The following M1AP variants were observed in gnomAD, a reference collection of about 807,000 sequenced individuals.
M1AP encodes meiosis 1 associated protein.
In M1AP, 39 loss-of-function variants were observed where a neutral mutation model predicts 51.2. The observed-to-expected ratio is 0.76, with a 90% CI of 0.59 to 1.00. M1AP has a LOEUF of 1.00. Among genes scored for constraint, M1AP ranks in the 50% least tolerant of loss-of-function variants. The pLI, the probability that M1AP is intolerant of heterozygous loss-of-function variation, is 0.00. For synonymous variants in M1AP, 251 were observed against 249.2 expected, an observed-to-expected ratio of 1.01 and a Z score of -0.07; for missense variants, 545 against 641.2, an observed-to-expected ratio of 0.85 and a Z score of 1.62.
Position 74,640,104 on chromosome 2 carries a change from G to A in M1AP, c.172C>T (p.Pro58Ser). The change falls in exon 2 of 11, where the codon CCC becomes TCC. Residue 58 changes from proline (P) to serine (S), a missense_variant. Physicochemically the swap from Pro to Ser is moderately conservative, Grantham distance 74. Transcript: ENST00000421985. Reference protein sequence around the residue: ...FFSLACSLMGPSRMSLFSLYM... With the variant: ...FFSLACSLMGSSRMSLFSLYM... ...AAACTGAACAGGGACATGCGGCTGG[G>A]GCCCATCAAGCTGCAGGCTAGAGAG... The A allele has an allele frequency of 6.2e-7, 1 of 1,614,136 alleles. No homozygotes were observed. Among genetic ancestry groups the A allele is most frequent in the Non-Finnish European group, 8.5e-7 (1 of 1,180,012 alleles).
chr2:74,575,531 C>T lies in M1AP; in HGVS notation c.981G>A (p.Pro327=), dbSNP rs148385130. The part of the protein sequence containing the change: ...GLCESLTYGL[P]FILRPTSCWQ... The stretch of plus-strand genomic sequence containing the variant: ...AACAGCTTGTAGGTCTGAGGATGAA[C>T]GGGAGTCCATATGTCAATGACTCGC... Residue 327 remains proline (P), a synonymous_variant, in exon 7 of 11, where the codon CCG becomes CCA. Transcript: ENST00000421985. 1.7e-4 allele frequency: 280 copies of T among 1,614,114 alleles called. 1 individual carries two copies. The East Asian group carries it at 2.0e-3, about 11-fold the overall frequency.
Position 74,578,840 on chromosome 2 carries a change from G to GT in M1AP, c.770-2223dup, listed in dbSNP as rs955891769. On this transcript the variant is annotated intron_variant, in intron 5 of 10. Transcript: ENST00000421985. ...AAGAGTCTAGAGGAGGAAAGCTTGGGTTTTTTGTTTTGTTTTCTTTCATTT... is the reference window on the plus strand; with the variant it reads ...AAGAGTCTAGAGGAGGAAAGCTTGGGTTTTTTTGTTTTGTTTTCTTTCATTT... Among the ~76,000 whole-genome samples the GT allele has an allele frequency of 4.0e-5, 6 of 150,266 alleles. No individual in the cohort carries two copies. The East Asian group carries it at 1.2e-3, about 29-fold the overall frequency.
At chr2:74,645,756 G>A (rs1471049902) in intron 1 of M1AP, among the ~76,000 whole-genome samples, 1 of 152,152 alleles carries the variant, frequency 6.6e-6, no homozygotes, top group East Asian at 1.9e-4. Flanking sequence ...GGGTAGCCCT[G>A]CTCCACAGTT....
chr2:74,629,979 T>C (rs1682612945), intron 2 of M1AP, among the ~76,000 whole-genome samples: 1 of 151,864 alleles, frequency 6.6e-6, no homozygotes, highest in Non-Finnish European at 1.5e-5. Flanking sequence ...CTTGCTCTGT[T>C]GCCTAGGCTG....
chr2:74,588,825 G>A (rs762462226), intron 4 of M1AP, among the ~76,000 whole-genome samples: 4 of 152,224 alleles, frequency 2.6e-5, no homozygotes, highest in Non-Finnish European at 5.9e-5. Flanking sequence ...CTCAGAGAGA[G>A]AGAACTGTTG....
rs1194922471 is a variant in M1AP at position 74,560,241 on chromosome 2, A to T, written c.1332T>A (p.Val444=). 3 of 1,613,694 alleles carry T rather than the reference A, an allele frequency of 1.9e-6. No individual in the cohort carries two copies. The highest frequency in any genetic ancestry group is 2.5e-6 in the Non-Finnish European group (3 of 1,179,842). The change falls in exon 9 of 11, where the codon GTT becomes GTA. Residue 444 remains valine (V), a synonymous_variant. Coordinates refer to ENST00000421985, the MANE Select transcript of M1AP (RefSeq NM_001321739.2). The part of the protein sequence containing the change: ...ELEPTYNPLH[V]QSHLYSHLSS... Reference sequence around the variant, plus strand: ...TCAGGTGTGAGTACAGGTGGCTTTGAACATGCAAGGGGTTGTAGGTGGGCT... The same window carrying T: ...TCAGGTGTGAGTACAGGTGGCTTTGTACATGCAAGGGGTTGTAGGTGGGCT...
At position 74,640,072 on chromosome 2, in the gene M1AP, C is replaced by G. The variant is rs779517747; in HGVS notation, c.204G>C (p.Met68Ile). The G allele has an allele frequency of 3.1e-6, 5 of 1,614,114 alleles. No homozygotes were observed. The highest frequency in any genetic ancestry group is 4.2e-6 in the Non-Finnish European group (5 of 1,180,024). The change falls in exon 2 of 11, where the codon ATG (methionine) becomes ATC (isoleucine). Residue 68 changes from methionine (M) to isoleucine (I), a missense_variant. By Grantham distance (10) the Met-to-Ile change is conservative. Transcript: ENST00000421985. ...PSRMSLFSLY[M>I]VQDQHECILP... ...GGATGCACTCATGCTGATCTTGTAC[C>G]ATGTATAAACTGAACAGGGACATGC...
chr2:74,647,827 G>C (rs1445139457), intron 1 of M1AP: 1 of 169,308 alleles, frequency 5.9e-6, no homozygotes, highest in Non-Finnish European at 1.2e-5. Context: ...CCGGGAGGCG[G>C]AGGTTGCAGT....
At chr2:74,585,229 T>C (rs1456279493) in intron 4 of M1AP, among the ~76,000 whole-genome samples, 1 of 152,184 alleles carries the variant, frequency 6.6e-6, no homozygotes, top group South Asian at 2.1e-4. Context: ...GGAACAGCGA[T>C]GCGTGCTGGC....
chr2:74,607,630 C>A (rs1404061335), intron 3 of M1AP, among the ~76,000 whole-genome samples: 1 of 152,098 alleles, frequency 6.6e-6, no homozygotes, highest in Non-Finnish European at 1.5e-5. Flanking sequence ...CGTGCCACCA[C>A]ACCCGGGTAA....
chr2:74,565,700 G>T (rs145065530), intron 7 of M1AP, among the ~76,000 whole-genome samples: 1 of 151,520 alleles, frequency 6.6e-6, no homozygotes, highest in African/African-American at 2.4e-5. Context: ...GTGGTGGCAC[G>T]TGCCTGTAGT....
At chr2:74,616,223 T>G (rs566371969) in intron 2 of M1AP, among the ~76,000 whole-genome samples, 1 of 152,354 alleles carries the variant, frequency 6.6e-6, no homozygotes, top group East Asian at 1.9e-4. Flanking sequence ...TTTCTTCTCA[T>G]GTACCCACTA....
chr2:74,634,160 C>A (rs1682847883), intron 2 of M1AP, among the ~76,000 whole-genome samples: 1 of 152,138 alleles, frequency 6.6e-6, no homozygotes, highest in Non-Finnish European at 1.5e-5. Context: ...AGTAAGCACT[C>A]CATAATATCA....
Position 74,645,237 on chromosome 2 carries a change from C to T in M1AP, c.-53+3028G>A, listed in dbSNP as rs1298363007. On this transcript the variant is annotated intron_variant, in intron 1 of 10. Coordinates refer to ENST00000421985, the MANE Select transcript of M1AP (RefSeq NM_001321739.2). ...CCTGAAGCCAGCGAGACCATGAATC[C>T]ACCAGAAGGAAGAAACTCCAGACAC... Among the ~76,000 whole-genome samples, 3 of 152,150 alleles carry T rather than the reference C, an allele frequency of 2.0e-5. No individual in the cohort carries two copies. The East Asian group carries it at 5.8e-4, about 29-fold the overall frequency.
chr2:74,639,957 A>G (rs1683195737), intron 2 of M1AP, 79 bp downstream of exon 2: 1 of 1,258,320 alleles, frequency 7.9e-7, no homozygotes, highest in Non-Finnish European at 1.1e-6. Flanking sequence ...ATAAGTATTA[A>G]TAACTGTGAT....
chr2:74,577,616 C>A (rs1679155709), intron 5 of M1AP, among the ~76,000 whole-genome samples: 1 of 152,176 alleles, frequency 6.6e-6, no homozygotes, highest in Admixed American at 6.5e-5. Flanking sequence ...CCCTCCTGGG[C>A]CCTGTGAATA....
intron 2 of M1AP, chr2:74,619,058 G>C: frequency 6.5e-6 from 3 of 459,442 alleles, no homozygotes; most frequent in South Asian, 4.9e-5. Context: ...AATTGATTAA[G>C]GTTTTGTTGA....
At chr2:74,636,789 C>A (rs1049184253) in intron 2 of M1AP, among the ~76,000 whole-genome samples, 1 of 152,066 alleles carries the variant, frequency 6.6e-6, no homozygotes, top group Non-Finnish European at 1.5e-5. Context: ...ATTTCCTCTA[C>A]ATATATCTCA....
intron 7 of M1AP, among the ~76,000 whole-genome samples, chr2:74,564,650 A>G (rs1289509990): frequency 6.6e-6 from 1 of 152,212 alleles, no homozygotes; most frequent in Admixed American, 6.5e-5. Context: ...AATGTGCAGG[A>G]AAGTCAGCTT....
Sources: gnomAD v4.1 joint callset for allele counts (sites outside exome capture counted in the v4.1 genomes callset) on GRCh38, gnomAD v4.1.1 for gene constraint, MANE v1.5 for transcripts, NCBI Gene and HGNC (gene_info 2026-07-23, HGNC 2026-07-21) for gene names.